The following PLA2G4C variants were observed in gnomAD, a reference collection of about 807,000 sequenced individuals.
PLA2G4C encodes the protein phospholipase A2 group IVC, also known as cytosolic phospholipase A2 gamma.
In PLA2G4C, 64 loss-of-function variants were observed where a neutral mutation model predicts 73.8. That is an observed-to-expected ratio of 0.87 (90% CI 0.71 to 1.07). The LOEUF (loss-of-function observed/expected upper bound fraction) is 1.07, where lower values mean the gene tolerates loss of function less well. Ranked by LOEUF, PLA2G4C falls within the 50% of genes least tolerant of loss-of-function variation. The pLI, the probability that PLA2G4C is intolerant of heterozygous loss-of-function variation, is 0.00. For synonymous variants in PLA2G4C, 254 were observed against 252.1 expected (o/e 1.01, Z -0.07); for missense variants, 622 against 665.4 (o/e 0.93, Z 0.72).
chr19:48,051,618 C>T (rs62129286), intron 16 of PLA2G4C, among the ~76,000 whole-genome samples: 27,501 of 151,864 alleles, frequency 0.18, 2,850 homozygotes, highest in Non-Finnish European at 0.23. Context: ...CATCAGATCT[C>T]GTGAGAACTC....
intron 14 of PLA2G4C, among the ~76,000 whole-genome samples, chr19:48,057,709 C>T (rs1325099367): frequency 1.3e-5 from 2 of 150,210 alleles, no homozygotes; most frequent in African/African-American, 2.4e-5. Context: ...AGGCTGGTCT[C>T]AAACACCTGA....
intron 7 of PLA2G4C, among the ~76,000 whole-genome samples, chr19:48,094,019 C>A (rs956463165): frequency 2.0e-5 from 3 of 152,174 alleles, no homozygotes; most frequent in African/African-American, 7.2e-5. Context: ...GTCAATTAAA[C>A]CTCCTTTGTC....
chr19:48,073,090 G>C (rs11883391), intron 12 of PLA2G4C: 15,109 of 152,318 alleles, frequency 0.099, 1,219 homozygotes, highest in East Asian at 0.28. Context: ...CTGTCACCCA[G>C]GCTGGAATGC....
chr19:48,087,216 GAC>G (rs1248022495), intron 9 of PLA2G4C, among the ~76,000 whole-genome samples: 5 of 152,160 alleles, frequency 3.3e-5, no homozygotes, highest in Admixed American at 6.5e-5. Context: ...TTTCAGCAGG[GAC>G]ACAGTTTCAG....
In PLA2G4C at chr19:48,095,623, G is replaced by A. The variant is rs774072527; in HGVS notation, c.569-19C>T. 17 of 1,613,140 alleles carry A rather than the reference G, an allele frequency of 1.1e-5. No homozygotes were observed. The highest frequency in any genetic ancestry group is 8.8e-5 in the South Asian group (8 of 91,054). On this transcript the variant is annotated intron_variant, in intron 6 of 16. Transcript: ENST00000599921. ...CAGGTCTCTGCAGAGGAAATACAACGGCAAGTGAGTCCCAGCACAGAACCA... is the reference window on the plus strand; with the variant it reads ...CAGGTCTCTGCAGAGGAAATACAACAGCAAGTGAGTCCCAGCACAGAACCA...
At chr19:48,087,687 C>T (rs920755385) in intron 9 of PLA2G4C, among the ~76,000 whole-genome samples, 2 of 152,092 alleles carry the variant, frequency 1.3e-5, no homozygotes, top group African/African-American at 4.8e-5. Context: ...GTAATCCCAG[C>T]ACTTTGGGAG....
At chr19:48,068,338 T>C (rs1419876859) in intron 12 of PLA2G4C, among the ~76,000 whole-genome samples, 1 of 146,310 alleles carries the variant, frequency 6.8e-6, no homozygotes, top group East Asian at 2.0e-4. Flanking sequence ...GGGGGGGTCA[T>C]TCAGGATAAC....
intron 12 of PLA2G4C, among the ~76,000 whole-genome samples, chr19:48,068,262 G>A (rs1009234575): frequency 7.1e-6 from 1 of 141,758 alleles, no homozygotes; most frequent in African/African-American, 2.8e-5. Context: ...CCGAGATCGT[G>A]CCACTGAACT....
chr19:48,061,895 C>A, intron 14 of PLA2G4C, 103 bp downstream of exon 14: 3 of 1,184,566 alleles, frequency 2.5e-6, no homozygotes, highest in Non-Finnish European at 3.7e-6. Flanking sequence ...CAGCACCTCC[C>A]CATTGCCCGC....
chr19:48,110,721 C>T lies in PLA2G4C; in HGVS notation c.-267G>A. 2.1e-6 allele frequency: 1 copy of T among 466,972 alleles called. No individual in the cohort carries two copies. Among genetic ancestry groups the T allele is most frequent in the South Asian group, 3.4e-5 (1 of 29,134 alleles). The allele number at this position is 466,972 out of a possible 1,614,324, so 28.9% of individuals were successfully genotyped here. On this transcript the variant is annotated 5_prime_UTR_variant, in exon 1 of 17. Transcript: ENST00000599921. ...GGGCTGGAGGTGTTTCCTCCTGGTC[C>T]TGAGCAGGGCCAACCTGGAGGTAAA...
intron 10 of PLA2G4C, among the ~76,000 whole-genome samples, chr19:48,080,330 T>C (rs540283954): frequency 1.3e-5 from 2 of 152,228 alleles, no homozygotes; most frequent in African/African-American, 2.4e-5. Context: ...AAAAAAACCA[T>C]AGACGTTGGT....
At position 48,057,721 on chromosome 19, in the gene PLA2G4C, CT is replaced by C. The variant is rs562092553; in HGVS notation, c.1258-2673del. Among the ~76,000 whole-genome samples, 1,080 of 150,578 alleles carry C rather than the reference CT, an allele frequency of 7.2e-3. 11 individuals are homozygous for C. Among genetic ancestry groups the C allele is most frequent in the Non-Finnish European group, 0.01 (710 of 67,642 alleles). On this transcript the variant is annotated intron_variant, in intron 14 of 16. Transcript: ENST00000599921. ...GCCAGGCTGGTCTCAAACACCTGAC[CT>C]CAGGTGATCCACCTGCCTCTACCTC... is the stretch of plus-strand genomic sequence containing the variant.
intron 4 of PLA2G4C, among the ~76,000 whole-genome samples, chr19:48,103,213 A>C (rs887238724): frequency 6.6e-6 from 1 of 152,106 alleles, no homozygotes; most frequent in African/African-American, 2.4e-5. Flanking sequence ...GAAAGATTCC[A>C]GAAGAAATCA....
At chr19:48,061,278 G>A (rs1187307708) in intron 14 of PLA2G4C, 1 of 152,086 alleles carries the variant, frequency 6.6e-6, no homozygotes, top group Non-Finnish European at 1.5e-5. Context: ...GAGGCCATGA[G>A]GGGAGGGGAA....
intron 13 of PLA2G4C, among the ~76,000 whole-genome samples, chr19:48,066,249 G>A (rs770872400): frequency 1.3e-4 from 20 of 152,112 alleles, no homozygotes; most frequent in African/African-American, 3.9e-4. Context: ...GACAGGAGAG[G>A]TCTATTCAGA....
At position 48,057,477 on chromosome 19, in the gene PLA2G4C, CTTCTTCTTTTTTTTTTTTT is replaced by C. The variant is rs1162497304; in HGVS notation, c.1258-2447_1258-2429del. ...AGTGTTTCTTCTTCTTCTTCTTCTT[CTTCTTCTTTTTTTTTTTTT>C]TTTTTTTTTTTTTGACAGAGTCTCG... On this transcript the variant is annotated intron_variant, in intron 14 of 16. Coordinates refer to ENST00000599921, the MANE Select transcript of PLA2G4C (RefSeq NM_003706.3). 8.8e-3 allele frequency among the ~76,000 whole-genome samples: 148 copies of C among 16,886 alleles called. 1 individual carries two copies. Among genetic ancestry groups the C allele is most frequent in the African/African-American group, 0.024 (139 of 5,828 alleles). 11.1% of individuals were successfully genotyped at this position (16,886 alleles called of 152,430 possible). A position where few individuals can be genotyped will look rare whatever the true frequency, so the allele number is the denominator to read the frequency against.
chr19:48,105,123 A>C lies in PLA2G4C; in HGVS notation c.120+210T>G, dbSNP rs182578390. Among the ~76,000 whole-genome samples, 35 of 130,098 alleles carry C rather than the reference A, an allele frequency of 2.7e-4. 1 individual carries two copies. The East Asian group carries it at 6.9e-3, about 25-fold the overall frequency. 85.3% of individuals were successfully genotyped at this position (130,098 alleles called of 152,430 possible). ...AAAAAAAGAAAGAAAAGAAAAGAAA[A>C]AGAAAGGAGGAGGAGGAGAAGGAGG... On this transcript the variant is annotated intron_variant, in intron 3 of 16. Transcript: ENST00000599921.
At chr19:48,082,890 C>T (rs2030690441) in intron 10 of PLA2G4C, among the ~76,000 whole-genome samples, 2 of 147,356 alleles carry the variant, frequency 1.4e-5, no homozygotes, top group South Asian at 2.2e-4. Context: ...CTTGGCTCAC[C>T]GCAAACTCTG....
At chr19:48,062,912 A>G (rs1968246447) in intron 13 of PLA2G4C, among the ~76,000 whole-genome samples, 1 of 152,180 alleles carries the variant, frequency 6.6e-6, no homozygotes, top group Non-Finnish European at 1.5e-5. Flanking sequence ...GTTGGGGCAC[A>G]GCTTGGTTTA....
Sources: gnomAD v4.1 joint callset for allele counts (sites outside exome capture counted in the v4.1 genomes callset) on GRCh38, gnomAD v4.1.1 for gene constraint, MANE v1.5 for transcripts, NCBI Gene and HGNC (gene_info 2026-07-23, HGNC 2026-07-21) for gene names.